MEIKIN: variants seen among roughly 807,000 people sequenced by gnomAD.
MEIKIN encodes the protein meiosis-specific kinetochore protein.
intron 8 of MEIKIN, among the ~76,000 whole-genome samples, chr5:131,885,344 A>G (rs1750765591): frequency 3.2e-4 from 1 of 3,170 alleles, no homozygotes; most frequent in Non-Finnish European, 1.1e-3. Context: ...GAACTGAAAG[A>G]GAGAGAGAGA....
At chr5:131,908,196 A>T (rs1308310658) in intron 8 of MEIKIN, among the ~76,000 whole-genome samples, 2 of 152,170 alleles carry the variant, frequency 1.3e-5, no homozygotes, top group African/African-American at 2.4e-5. Context: ...CAAAATAGCA[A>T]ACTGAATTCA....
intron 9 of MEIKIN, among the ~76,000 whole-genome samples, chr5:131,877,517 C>T (rs1173765498): frequency 1.3e-5 from 2 of 152,008 alleles, no homozygotes; most frequent in Non-Finnish European, 2.9e-5. Flanking sequence ...GCAGTGTGTG[C>T]CTGTAGTCCC....
rs114464046 is a variant in MEIKIN, at chr5:131,822,517, T to G, written c.976-3654A>C. Among the ~76,000 whole-genome samples, 371 of 152,326 alleles carry G rather than the reference T, an allele frequency of 2.4e-3. 1 individual carries two copies. The highest frequency in any genetic ancestry group is 4.3e-3 in the Non-Finnish European group (290 of 68,030). ...CTTGCAAATATTATAACTAATTATT[T>G]TAAACTGATGACAACTTAACACTGC... On this transcript the variant is annotated intron_variant, in intron 11 of 12. Transcript: ENST00000442687.
rs183821189 is a variant in MEIKIN, at chr5:131,938,638, A to G, written c.349+3997T>C. On this transcript the variant is annotated intron_variant, in intron 4 of 12. Transcript: ENST00000442687. The stretch of plus-strand genomic sequence containing the variant: ...TCTACAGAATGTTTTCTGATTTCAT[A>G]TTTTTATTTTTTAACAAATTTTTTT... Among the ~76,000 whole-genome samples, 880 of 152,086 alleles carry G rather than the reference A, an allele frequency of 5.8e-3. 4 individuals are homozygous for G. Among genetic ancestry groups the G allele is most frequent in the Middle Eastern group, 0.01 (3 of 294 alleles).
intron 11 of MEIKIN, among the ~76,000 whole-genome samples, chr5:131,845,540 T>TG (rs1750004033): frequency 6.7e-6 from 1 of 149,906 alleles, no homozygotes; most frequent in Non-Finnish European, 1.5e-5. Flanking sequence ...AAGGAAGATG[T>TG]GAAAAAAAGT....
At chr5:131,853,160 G>T (rs1220457550) in intron 10 of MEIKIN, among the ~76,000 whole-genome samples, 4 of 152,154 alleles carry the variant, frequency 2.6e-5, no homozygotes, top group Non-Finnish European at 5.9e-5. Flanking sequence ...TTGGAAAATT[G>T]TATCTATAGG....
At chr5:131,920,830 T>C (rs1751492286) in intron 6 of MEIKIN, among the ~76,000 whole-genome samples, 1 of 151,984 alleles carries the variant, frequency 6.6e-6, no homozygotes, top group South Asian at 2.1e-4. Flanking sequence ...GCCTCTTGAG[T>C]AGCTGGGACT....
chr5:131,851,470 C>T (rs1238022138), intron 10 of MEIKIN, 87 bp from the exon 11 acceptor site: 2 of 392,642 alleles, frequency 5.1e-6, no homozygotes. Context: ...TTGAAAAATA[C>T]CATCTCATTG....
intron 8 of MEIKIN, among the ~76,000 whole-genome samples, chr5:131,889,814 T>C (rs887246291): frequency 2.0e-4 from 31 of 152,248 alleles, no homozygotes; most frequent in African/African-American, 6.7e-4. Flanking sequence ...ATGCTTCCAG[T>C]TTTTGGCCAT....
intron 11 of MEIKIN, among the ~76,000 whole-genome samples, chr5:131,828,476 T>C (rs1749653455): frequency 6.6e-6 from 1 of 152,152 alleles, no homozygotes; most frequent in East Asian, 1.9e-4. Context: ...ATATAAGATT[T>C]GGAAGATAAA....
intron 11 of MEIKIN, among the ~76,000 whole-genome samples, chr5:131,846,423 T>C (rs1750024261): frequency 6.6e-6 from 1 of 152,242 alleles, no homozygotes; most frequent in South Asian, 2.1e-4. Flanking sequence ...TCTTGTTTTC[T>C]ATATGATTTA....
At chr5:131,809,468 T>A (rs1213083382) in intron 12 of MEIKIN, among the ~76,000 whole-genome samples, 11 of 152,186 alleles carry the variant, frequency 7.2e-5, no homozygotes. Context: ...TTACCATCAA[T>A]GACGCTAACC....
chr5:131,807,562 C>T (rs550313857), intron 12 of MEIKIN, among the ~76,000 whole-genome samples: 28 of 152,334 alleles, frequency 1.8e-4, no homozygotes, highest in African/African-American at 6.5e-4. Context: ...TTAACCCCAG[C>T]CTTGTAACCT....
chr5:131,845,041 C>T (rs528891107), intron 11 of MEIKIN, among the ~76,000 whole-genome samples: 4 of 151,940 alleles, frequency 2.6e-5, no homozygotes, highest in South Asian at 2.1e-4. Context: ...GAGGCCGAGG[C>T]GGGTGGATCA....
intron 7 of MEIKIN, among the ~76,000 whole-genome samples, chr5:131,914,793 G>A (rs1751392164): frequency 6.6e-6 from 1 of 151,982 alleles, no homozygotes. Flanking sequence ...AGAGAAGGGG[G>A]ACAAAGACTT....
chr5:131,904,044 G>A (rs1751204464), intron 8 of MEIKIN, among the ~76,000 whole-genome samples: 1 of 151,834 alleles, frequency 6.6e-6, no homozygotes, highest in Non-Finnish European at 1.5e-5. Flanking sequence ...CTTTAACCAA[G>A]ATCAAAAAAA....
intron 8 of MEIKIN, among the ~76,000 whole-genome samples, chr5:131,892,076 A>T (rs544691376): frequency 6.6e-6 from 1 of 151,758 alleles, no homozygotes; most frequent in South Asian, 2.1e-4. Flanking sequence ...AGTTTCTGCC[A>T]AGAGATCAGC....
chr5:131,910,922 T>C (rs1242389322), intron 8 of MEIKIN, among the ~76,000 whole-genome samples: 2 of 152,140 alleles, frequency 1.3e-5, no homozygotes, highest in African/African-American at 4.8e-5. Context: ...ACTTTTTATT[T>C]GGCAAAACCT....
chr5:131,818,808 C>G lies in MEIKIN; in HGVS notation c.1031G>C (p.Arg344Thr). Residue 344 changes from arginine to threonine, a missense_variant, in exon 12 of 13, where the codon AGA becomes ACA. Physicochemically the swap from Arg to Thr is moderately conservative, Grantham distance 71. Coordinates refer to ENST00000442687, the MANE Select transcript of MEIKIN (RefSeq NM_001303622.2). ...AATAACACCTTTATTTTTCACTTGT[C>G]TAGTTCCTGGTGATGTTCTAATAAT... ...CCIIRTSPGT[R>T]QVKNKGVIVK... 4 of 398,076 alleles carry G rather than the reference C, an allele frequency of 1.0e-5. No homozygotes were observed. The highest frequency in any genetic ancestry group is 1.8e-5 in the Non-Finnish European group (4 of 225,824). 24.7% of individuals were successfully genotyped at this position (398,076 alleles called of 1,614,324 possible).
Sources: allele counts gnomAD v4.1 joint callset (sites outside exome capture counted in the v4.1 genomes callset), GRCh38; gene constraint gnomAD v4.1.1; transcripts MANE v1.5; gene names NCBI Gene and HGNC (gene_info 2026-07-23, HGNC 2026-07-21).